Variants in MAP3K2 observed in about 807,000 individuals in gnomAD.
The protein encoded by MAP3K2 is mitogen-activated protein kinase kinase kinase 2.
MAP3K2 carries 24 observed loss-of-function variants against 80.3 expected under a neutral mutation model. That is an observed-to-expected ratio of 0.30 (90% CI 0.22 to 0.42). The LOEUF (loss-of-function observed/expected upper bound fraction) is 0.42. Ranked by LOEUF, MAP3K2 falls within the 10% of genes least tolerant of loss-of-function variation. The probability of loss-of-function intolerance (pLI) is 1.00; values close to 1 mark genes in which losing one functional copy is unlikely to be tolerated. For synonymous variants in MAP3K2, 244 were observed against 253.7 expected (o/e 0.96, Z 0.36); for missense variants, 608 against 750.1 (o/e 0.81, Z 2.21).
At chr2:127,356,863 C>T (rs2104867429) in intron 1 of MAP3K2, among the ~76,000 whole-genome samples, 1 of 152,160 alleles carries the variant, frequency 6.6e-6, no homozygotes, top group East Asian at 1.9e-4. Context: ...GCAACAAAAA[C>T]AAAAATAGAC....
chr2:127,356,580 T>A (rs1351540675), intron 1 of MAP3K2, among the ~76,000 whole-genome samples: 2 of 152,234 alleles, frequency 1.3e-5, no homozygotes, highest in Admixed American at 1.3e-4. Context: ...TGCAAACTCT[T>A]GGCTTCAGGT....
At chr2:127,318,063 GA>G (rs370860947) in intron 13 of MAP3K2, 105 bp downstream of exon 13, 136 of 514,886 alleles carry the variant, frequency 2.6e-4, no homozygotes, top group African/African-American at 8.1e-4. Flanking sequence ...TTTTTTTTTT[GA>G]AAAAAAATGC....
intron 1 of MAP3K2, among the ~76,000 whole-genome samples, chr2:127,352,304 A>C (rs1686704797): frequency 6.6e-6 from 1 of 152,128 alleles, no homozygotes; most frequent in African/African-American, 2.4e-5. Context: ...AAGAAAAGAG[A>C]AGGTTGTTTA....
chr2:127,368,098 G>T (rs1177788843), intron 1 of MAP3K2, among the ~76,000 whole-genome samples: 1 of 151,912 alleles, frequency 6.6e-6, no homozygotes, highest in East Asian at 1.9e-4. Context: ...GAGGCGGGTG[G>T]ATCACTTGAG....
At chr2:127,319,779 C>T (rs1221647413) in intron 12 of MAP3K2, among the ~76,000 whole-genome samples, 9 of 149,472 alleles carry the variant, frequency 6.0e-5, no homozygotes, top group African/African-American at 9.9e-5. Flanking sequence ...GGGGAGGTTG[C>T]GGTGAGCTGA....
At chr2:127,340,154 ATTAAT>A (rs1245792043) in intron 2 of MAP3K2, among the ~76,000 whole-genome samples, 8 of 152,174 alleles carry the variant, frequency 5.3e-5, no homozygotes, top group South Asian at 2.1e-4. Context: ...TTATTGGTTT[ATTAAT>A]TTATTAATAT....
At chr2:127,328,516 G>C (rs2104829825) in intron 7 of MAP3K2, among the ~76,000 whole-genome samples, 1 of 152,298 alleles carries the variant, frequency 6.6e-6, no homozygotes, top group Admixed American at 6.5e-5. Context: ...ACTGGTCTCA[G>C]GTTCATCAGA....
chr2:127,307,770 C>CAGAA lies in MAP3K2; in HGVS notation c.1668_1669insTTCT (p.Glu557PhefsTer2), dbSNP rs1192671074. On this transcript the variant is annotated frameshift_variant, in exon 17 of 17. Coordinates refer to ENST00000682094, the MANE Select transcript of MAP3K2 (RefSeq NM_001371910.2). LOFTEE classifies it high-confidence loss of function. This position sits in a 1 kb window ranked among gnomAD's most constrained non-coding sequence, Gnocchi z 5.4. ...TCAAATTCAGCCCAAGGCGGCTTTT[C>CAGAA]AGTTAGCATTTCTACCACAGTACAT... The CAGAA allele has an allele frequency of 6.3e-7, 1 of 1,594,188 alleles. No homozygotes were observed. The highest frequency in any genetic ancestry group is 8.6e-7 in the Non-Finnish European group (1 of 1,169,438).
chr2:127,347,190 G>C (rs774178890), intron 1 of MAP3K2, among the ~76,000 whole-genome samples: 1 of 152,000 alleles, frequency 6.6e-6, no homozygotes, highest in Non-Finnish European at 1.5e-5. Context: ...ATATGGGGAT[G>C]TCCACTCTTG....
chr2:127,358,298 C>T (rs1209991138), intron 1 of MAP3K2, among the ~76,000 whole-genome samples: 3 of 152,144 alleles, frequency 2.0e-5, no homozygotes, highest in South Asian at 2.1e-4. Flanking sequence ...GGCAAGGATA[C>T]CGTGCAACTA....
In MAP3K2 at chr2:127,305,787, C is replaced by A. The variant is rs1221520856; in HGVS notation, c.*1792G>T. 1 of 152,108 alleles carries A rather than the reference C, an allele frequency of 6.6e-6. No individual in the cohort carries two copies. The highest frequency in any genetic ancestry group is 1.5e-5 in the Non-Finnish European group (1 of 68,006). The allele number at this position is 152,108 out of a possible 1,614,324, so 9.4% of individuals were successfully genotyped here. A position where few individuals can be genotyped will look rare whatever the true frequency, so the allele number is the denominator to read the frequency against. ...GATATCTTCATGTTTTATAGTAGCA[C>A]AATTCTATTAGAGATAGTGGGGCCT... is the stretch of plus-strand genomic sequence containing the variant. On this transcript the variant is annotated 3_prime_UTR_variant, in exon 17 of 17. Coordinates refer to ENST00000682094, the MANE Select transcript of MAP3K2 (RefSeq NM_001371910.2).
chr2:127,340,405 TCCCAACA>T (rs1686453461), intron 2 of MAP3K2, among the ~76,000 whole-genome samples: 1 of 152,154 alleles, frequency 6.6e-6, no homozygotes, highest in South Asian at 2.1e-4. Context: ...AAGCCTGTAA[TCCCAACA>T]CTTTGGGAGG....
In MAP3K2 at chr2:127,364,466, A is replaced by G. The variant is rs1368040269; in HGVS notation, c.-65-21272T>C. Among the ~76,000 whole-genome samples the G allele has an allele frequency of 6.6e-6, 1 of 152,124 alleles. No individual in the cohort carries two copies. Among genetic ancestry groups the G allele is most frequent in the Admixed American group, 6.5e-5 (1 of 15,272 alleles). ...CCCTCCCTGTCCTCTTCACCTGGTC[A>G]TCTTACCATGTATAAACGATAATGG... is the stretch of plus-strand genomic sequence containing the variant. On this transcript the variant is annotated intron_variant, in intron 1 of 16. Coordinates refer to ENST00000682094, the MANE Select transcript of MAP3K2 (RefSeq NM_001371910.2). This position sits in a 1 kb window ranked among gnomAD's most constrained non-coding sequence, Gnocchi z 4.1.
At chr2:127,329,366 C>CTTTTTTTTTTTT (rs10625897) in intron 7 of MAP3K2, among the ~76,000 whole-genome samples, 1 of 146,424 alleles carries the variant, frequency 6.8e-6, no homozygotes. Context: ...CAATTAAAAC[C>CTTTTTTTTTTTT]TTTTTTTTTG....
At position 127,310,211 on chromosome 2, in the gene MAP3K2, C is replaced by A. The variant is rs1178821726; in HGVS notation, c.1457-1449G>T. Among the ~76,000 whole-genome samples, 1 of 152,166 alleles carries A rather than the reference C, an allele frequency of 6.6e-6. No individual in the cohort carries two copies. The highest frequency in any genetic ancestry group is 1.5e-5 in the Non-Finnish European group (1 of 68,026). On this transcript the variant is annotated intron_variant, in intron 15 of 16. Coordinates refer to ENST00000682094, the MANE Select transcript of MAP3K2 (RefSeq NM_001371910.2). The surrounding 1 kb of genome is among the most constrained non-coding windows in gnomAD (Gnocchi z 4.8). Reference sequence around the variant, plus strand: ...CTTTGCCATACCCCCATCATTGTATCCTTGGCTTTTGTTTTGGAGCACTTT... The same window carrying A: ...CTTTGCCATACCCCCATCATTGTATACTTGGCTTTTGTTTTGGAGCACTTT...
chr2:127,334,762 A>G (rs1176695805), intron 5 of MAP3K2, among the ~76,000 whole-genome samples: 1 of 142,582 alleles, frequency 7.0e-6, no homozygotes, highest in Non-Finnish European at 1.5e-5. Context: ...TCTTCAACAC[A>G]ATACTTTATG....
chr2:127,359,296 A>G (rs1686846731), intron 1 of MAP3K2, among the ~76,000 whole-genome samples: 1 of 152,144 alleles, frequency 6.6e-6, no homozygotes, highest in Admixed American at 6.5e-5. Flanking sequence ...CCAGGAGGGG[A>G]GTTAAGAGGA....
At chr2:127,352,729 C>A (rs986618175) in intron 1 of MAP3K2, among the ~76,000 whole-genome samples, 1 of 151,674 alleles carries the variant, frequency 6.6e-6, no homozygotes. Context: ...TCTCTTTCCA[C>A]GGTCTCCCTC....
intron 3 of MAP3K2, 143 bp from the exon 4 acceptor site, chr2:127,337,921 G>C (rs1427623813): frequency 1.9e-6 from 1 of 532,420 alleles, no homozygotes; most frequent in African/African-American, 2.0e-5. Flanking sequence ...TTGAAGTTCT[G>C]TACCAGCTCC....
Sources: gnomAD v4.1 joint callset for allele counts (sites outside exome capture counted in the v4.1 genomes callset) on GRCh38, gnomAD v4.1.1 for gene constraint, Gnocchi (gnomAD v3.1) non-coding constraint, MANE v1.5 for transcripts, NCBI Gene and HGNC (gene_info 2026-07-23, HGNC 2026-07-21) for gene names.